VAT1L: variants seen among roughly 807,000 people sequenced by gnomAD.
VAT1L encodes putative NADPH-dependent quinone oxidoreductase VAT1L.
Under a neutral mutation model 44.1 loss-of-function variants are expected in VAT1L, and 34 were observed. That is an observed-to-expected ratio of 0.77 (90% CI 0.59 to 1.03). The LOEUF (loss-of-function observed/expected upper bound fraction) is 1.03, where lower values mean the gene tolerates loss of function less well. Among genes scored for constraint, VAT1L ranks in the 50% least tolerant of loss-of-function variants. VAT1L has a pLI of 0.00. For synonymous variants in VAT1L, 253 were observed against 202.2 expected (o/e 1.25, Z -2.13); for missense variants, 615 against 538.8 (o/e 1.14, Z -1.40).
chr16:77,907,911 A>C (rs2017454806), intron 7 of VAT1L, among the ~76,000 whole-genome samples: 2 of 152,180 alleles, frequency 1.3e-5, no homozygotes, highest in African/African-American at 4.8e-5. Flanking sequence ...AGTAGCAGTG[A>C]AAGATTGAAA....
At chr16:77,934,130 G>A (rs566324316) in intron 7 of VAT1L, among the ~76,000 whole-genome samples, 62 of 152,284 alleles carry the variant, frequency 4.1e-4, no homozygotes, top group African/African-American at 1.3e-3. Flanking sequence ...GGATAAGACT[G>A]TTCAAAAGAG....
At chr16:77,971,022 T>C (rs369599464) in intron 7 of VAT1L, among the ~76,000 whole-genome samples, 3 of 140,922 alleles carry the variant, frequency 2.1e-5, no homozygotes, top group Non-Finnish European at 3.1e-5. Flanking sequence ...TTTTTTTTTT[T>C]CTTAATCAAG....
chr16:77,831,661 G>A (rs893043478), intron 3 of VAT1L, among the ~76,000 whole-genome samples: 1 of 152,188 alleles, frequency 6.6e-6, no homozygotes, highest in African/African-American at 2.4e-5. Flanking sequence ...TCACAGATGA[G>A]AAGAGACAAA....
intron 1 of VAT1L, among the ~76,000 whole-genome samples, chr16:77,807,843 T>C (rs1410226860): frequency 1.3e-5 from 2 of 152,102 alleles, no homozygotes; most frequent in African/African-American, 4.8e-5. Context: ...GCAACCCACT[T>C]GAGGAGGAGC....
intron 8 of VAT1L, among the ~76,000 whole-genome samples, chr16:77,974,525 G>A (rs879843097): frequency 6.6e-6 from 1 of 152,184 alleles, no homozygotes; most frequent in Non-Finnish European, 1.5e-5. Context: ...GGATCTGCCT[G>A]TGCCACACAC....
chr16:77,896,412 GGA>G (rs2017325650), intron 7 of VAT1L, among the ~76,000 whole-genome samples: 1 of 152,202 alleles, frequency 6.6e-6, no homozygotes, highest in African/African-American at 2.4e-5. Context: ...TGTGAAAAAT[GGA>G]GAGAATAACG....
At chr16:77,928,757 A>T (rs200265288) in intron 7 of VAT1L, among the ~76,000 whole-genome samples, 1 of 151,020 alleles carries the variant, frequency 6.6e-6, no homozygotes, top group Non-Finnish European at 1.5e-5. Flanking sequence ...GAGAGTAAGA[A>T]TTTTTTTTTT....
At chr16:77,847,153 T>A (rs1431472366) in intron 3 of VAT1L, among the ~76,000 whole-genome samples, 1 of 152,094 alleles carries the variant, frequency 6.6e-6, no homozygotes, top group Non-Finnish European at 1.5e-5. Flanking sequence ...TGTTCAGAGT[T>A]TTTGCTGCTC....
chr16:77,872,303 G>T (rs897329615), intron 4 of VAT1L, among the ~76,000 whole-genome samples: 2 of 152,130 alleles, frequency 1.3e-5, no homozygotes, highest in African/African-American at 4.8e-5. Flanking sequence ...CTTCTACAAG[G>T]AGTCAGTGGC....
intron 7 of VAT1L, among the ~76,000 whole-genome samples, chr16:77,909,171 T>A (rs2142483529): frequency 2.0e-5 from 3 of 152,212 alleles, no homozygotes; most frequent in Admixed American, 2.0e-4. Flanking sequence ...CAGAAGAAAA[T>A]GAGGCACAGA....
intron 7 of VAT1L, among the ~76,000 whole-genome samples, chr16:77,896,777 G>A (rs1245253491): frequency 1.3e-5 from 2 of 152,210 alleles, no homozygotes; most frequent in African/African-American, 2.4e-5. Context: ...TCCTTGTTAG[G>A]AGTCTGGGAG....
In VAT1L at chr16:77,819,590, C is replaced by G. The variant is rs368967239; in HGVS notation, c.363+2540C>G. On this transcript the variant is annotated intron_variant, in intron 2 of 8. Transcript: ENST00000302536. ...TAAAGACAGGGTTTCACCGTGTTGG[C>G]CAGGCTGGTCTCGAACTCCTGACCT... Among the ~76,000 whole-genome samples, 528 of 152,248 alleles carry G rather than the reference C, an allele frequency of 3.5e-3. 4 individuals are homozygous for G. The highest frequency in any genetic ancestry group is 0.012 in the African/African-American group (503 of 41,542).
chr16:77,788,629 G>GCGCCGCAGCCACCGCAGC lies in VAT1L; in HGVS notation c.-52_-35dup. The stretch of plus-strand genomic sequence containing the variant: ...GCGGGAGAGGAGCCCCACTCCCCCA[G>GCGCCGCAGCCACCGCAGC]CGCCGCAGCCACCGCAGCCACCGCA... On this transcript the variant is annotated 5_prime_UTR_variant, in exon 1 of 9. Coordinates refer to ENST00000302536, the MANE Select transcript of VAT1L (RefSeq NM_020927.3). The GCGCCGCAGCCACCGCAGC allele has an allele frequency of 3.3e-6, 5 of 1,537,354 alleles. No homozygotes were observed. The highest frequency in any genetic ancestry group is 3.5e-6 in the Non-Finnish European group (4 of 1,140,568).
At chr16:77,829,200 C>T (rs2016554000) in intron 3 of VAT1L, among the ~76,000 whole-genome samples, 1 of 152,216 alleles carries the variant, frequency 6.6e-6, no homozygotes, top group African/African-American at 2.4e-5. Flanking sequence ...TGTTCAACCT[C>T]TACCCAGTGC....
At chr16:77,876,935 G>A (rs1232766223) in intron 5 of VAT1L, among the ~76,000 whole-genome samples, 4 of 152,126 alleles carry the variant, frequency 2.6e-5, no homozygotes, top group Non-Finnish European at 5.9e-5. Flanking sequence ...CTACTCCTGA[G>A]CATCCCACGC....
chr16:77,854,921 T>G (rs2016842945), intron 3 of VAT1L, among the ~76,000 whole-genome samples: 1 of 152,200 alleles, frequency 6.6e-6, no homozygotes, highest in African/African-American at 2.4e-5. Context: ...GGACTCAACC[T>G]TCATACTTTT....
intron 7 of VAT1L, among the ~76,000 whole-genome samples, chr16:77,969,202 T>G (rs970002893): frequency 6.6e-6 from 1 of 152,218 alleles, no homozygotes; most frequent in Non-Finnish European, 1.5e-5. Context: ...CTCCCAAGTC[T>G]GGGTCTGTTT....
rs142565298 is a variant in VAT1L, at chr16:77,945,406, T to C, written c.1078-26444T>C. On this transcript the variant is annotated intron_variant, in intron 7 of 8. Coordinates refer to ENST00000302536, the MANE Select transcript of VAT1L (RefSeq NM_020927.3). Reference sequence around the variant, plus strand: ...GGCTCAAGTGATCTTACCACCTCAGTCTCCTGAGTAACTGCGATTACAGGC... The same window carrying C: ...GGCTCAAGTGATCTTACCACCTCAGCCTCCTGAGTAACTGCGATTACAGGC... Among the ~76,000 whole-genome samples, 215 of 150,634 alleles carry C rather than the reference T, an allele frequency of 1.4e-3. 1 individual carries two copies. Among genetic ancestry groups the C allele is most frequent in the African/African-American group, 3.7e-3 (154 of 41,094 alleles).
At chr16:77,892,476 G>C (rs1374842089) in intron 7 of VAT1L, 1 of 525,898 alleles carries the variant, frequency 1.9e-6, no homozygotes, top group East Asian at 5.0e-5. Flanking sequence ...GTGGGCCCTT[G>C]TGTCTCCTTT....
Sources: gnomAD v4.1 joint callset for allele counts (sites outside exome capture counted in the v4.1 genomes callset) on GRCh38, gnomAD v4.1.1 for gene constraint, MANE v1.5 for transcripts, NCBI Gene and HGNC (gene_info 2026-07-23, HGNC 2026-07-21) for gene names.